ADGRF5: variants seen among roughly 807,000 people sequenced by gnomAD.
The protein encoded by ADGRF5 is adhesion G protein-coupled receptor F5.
Under a neutral mutation model 132.3 loss-of-function variants are expected in ADGRF5, and 75 were observed. The ratio of observed to expected loss-of-function variants is 0.57; its 90% confidence interval spans 0.47 to 0.69. ADGRF5 has a LOEUF of 0.69. Among genes scored for constraint, ADGRF5 ranks in the 30% least tolerant of loss-of-function variants. The probability of loss-of-function intolerance (pLI) is 0.00; values close to 1 mark genes in which losing one functional copy is unlikely to be tolerated. For synonymous variants in ADGRF5, 629 were observed against 597.6 expected, an observed-to-expected ratio of 1.05 and a Z score of -0.77; for missense variants, 1,516 against 1,630.6, an observed-to-expected ratio of 0.93 and a Z score of 1.21.
chr6:46,901,160 C>CT (rs1774725457), intron 2 of ADGRF5, among the ~76,000 whole-genome samples: 1 of 152,174 alleles, frequency 6.6e-6, no homozygotes, highest in Non-Finnish European at 1.5e-5. Context: ...CATCCTGTAG[C>CT]TTTTTTGTTA....
At chr6:46,943,491 T>A (rs896645565) in intron 1 of ADGRF5, among the ~76,000 whole-genome samples, 3 of 152,198 alleles carry the variant, frequency 2.0e-5, no homozygotes, top group African/African-American at 7.2e-5. Flanking sequence ...TTGTTGGTGA[T>A]GATGATGATA....
At chr6:46,864,397 A>T (rs1487717081) in intron 14 of ADGRF5, among the ~76,000 whole-genome samples, 4 of 152,158 alleles carry the variant, frequency 2.6e-5, no homozygotes, top group African/African-American at 9.7e-5. Context: ...GACACCTTTC[A>T]TTTGCTGAAA....
chr6:46,865,468 C>T (rs938258363), intron 13 of ADGRF5, among the ~76,000 whole-genome samples: 2 of 152,186 alleles, frequency 1.3e-5, no homozygotes, highest in Admixed American at 6.5e-5. Flanking sequence ...AATCCTTCTC[C>T]CTATCTAAAT....
intron 3 of ADGRF5, among the ~76,000 whole-genome samples, chr6:46,890,786 A>G (rs1007115540): frequency 1.3e-5 from 2 of 152,234 alleles, no homozygotes; most frequent in African/African-American, 4.8e-5. Context: ...TTTACATTCT[A>G]TCTGAAAAGA....
chr6:46,914,452 AT>A (rs112699043), intron 1 of ADGRF5, among the ~76,000 whole-genome samples: 63 of 152,076 alleles, frequency 4.1e-4, no homozygotes, highest in Middle Eastern at 3.4e-3. Context: ...CCTTGAAGAC[AT>A]TTTTTTTCCT....
At chr6:46,903,701 T>G (rs1451415541) in intron 2 of ADGRF5, 1 of 152,310 alleles carries the variant, frequency 6.6e-6, no homozygotes, top group Non-Finnish European at 1.5e-5. Flanking sequence ...TCGAAAACTG[T>G]CTGAGCAAGA....
chr6:46,864,529 T>A (rs1254274244), intron 14 of ADGRF5, among the ~76,000 whole-genome samples: 1 of 84,782 alleles, frequency 1.2e-5, no homozygotes, highest in Non-Finnish European at 2.3e-5. Context: ...TGTAATAATT[T>A]TTTTTTTTTT....
upstream of ADGRF5, chr6:46,922,074 G>A (rs1353885647): frequency 6.6e-6 from 1 of 152,252 alleles, no homozygotes; most frequent in Non-Finnish European, 1.5e-5. Context: ...TCTCCACCAA[G>A]TGGACAGACT....
chr6:46,856,753 A>G lies in ADGRF5; in HGVS notation c.3841T>C (p.Phe1281Leu). 6.3e-7 allele frequency: 1 copy of G among 1,580,164 alleles called. No individual in the cohort carries two copies. Among genetic ancestry groups the G allele is most frequent in the Non-Finnish European group, 8.7e-7 (1 of 1,150,766 alleles). The change falls in exon 19 of 21, where the codon TTT becomes CTT. Residue 1281 changes from phenylalanine to leucine, a missense_variant. Around this residue, in one of 2 missense-constraint regions of ADGRF5, gnomAD observed 571 missense variants for 701.2 expected, o/e 0.81. Coordinates refer to ENST00000283296, the MANE Select transcript of ADGRF5 (RefSeq NM_001098518.2). ...TGTGAAGACCATCTCGACAATGAAA[A>G]CTTATTCAGCAAAGCTTCCTGTACC... ...LKVQEALLNK[F>L]SLSRWSSQHS...
intron 2 of ADGRF5, among the ~76,000 whole-genome samples, chr6:46,902,529 C>T (rs1774880741): frequency 6.6e-6 from 1 of 152,170 alleles, no homozygotes; most frequent in African/African-American, 2.4e-5. Flanking sequence ...ATTGGTCTCC[C>T]CTGCCCCCAG....
intron 1 of ADGRF5, among the ~76,000 whole-genome samples, chr6:46,941,186 C>T (rs1778031926): frequency 6.6e-6 from 1 of 151,858 alleles, no homozygotes; most frequent in Non-Finnish European, 1.5e-5. Flanking sequence ...AATAAAAAGC[C>T]AGGCATAGTG....
chr6:46,951,566 T>C (rs1372960594), intron 1 of ADGRF5, among the ~76,000 whole-genome samples: 1 of 152,220 alleles, frequency 6.6e-6, no homozygotes, highest in Non-Finnish European at 1.5e-5. Flanking sequence ...AAGGGAATCC[T>C]TTTAGCTGTG....
At chr6:46,922,148 A>AC (rs1304906717), upstream of ADGRF5, among the ~76,000 whole-genome samples, 1 of 152,186 alleles carries the variant, frequency 6.6e-6, no homozygotes, top group East Asian at 1.9e-4. Flanking sequence ...GAAAAGCAAA[A>AC]CCAGAGCAAA....
At position 46,878,224 on chromosome 6, in the gene ADGRF5, C is replaced by T. The variant is rs138779256; in HGVS notation, c.1218G>A (p.Gln406=). ...CACCTGGAATATTTATTTTTCCTTC[C>T]TGCTTCCATTCTACTTTGCTCCAAT... ...NVNWSKVEWK[Q]EGKINIPGTP... is the part of the protein sequence containing the mutation. Residue 406 remains glutamine, a synonymous_variant, in exon 10 of 21, where the codon CAG becomes CAA. Coordinates refer to ENST00000283296, the MANE Select transcript of ADGRF5 (RefSeq NM_001098518.2). 5.0e-6 allele frequency: 8 copies of T among 1,612,252 alleles called. No homozygotes were observed. In the African/African-American group the frequency reaches 1.1e-4, roughly 22 times the overall value.
At chr6:46,934,416 T>A (rs1333527883) in intron 1 of ADGRF5, among the ~76,000 whole-genome samples, 1 of 152,194 alleles carries the variant, frequency 6.6e-6, no homozygotes, top group African/African-American at 2.4e-5. Flanking sequence ...TTAAAGCAAT[T>A]GACTGAAAAA....
At chr6:46,938,426 T>C (rs1777929306) in intron 1 of ADGRF5, among the ~76,000 whole-genome samples, 1 of 152,138 alleles carries the variant, frequency 6.6e-6, no homozygotes. Flanking sequence ...TGGAAGCCAA[T>C]GAGAATGAGA....
At chr6:46,869,268 T>C in intron 11 of ADGRF5, 176 bp from the exon 12 acceptor site, 2 of 1,443,260 alleles carry the variant, frequency 1.4e-6, no homozygotes, top group Admixed American at 5.4e-5. Context: ...TGGGCTTTAC[T>C]CGTTTCTAGG....
chr6:46,877,133 T>A (rs1467960303), intron 10 of ADGRF5, among the ~76,000 whole-genome samples: 4 of 152,264 alleles, frequency 2.6e-5, no homozygotes, highest in African/African-American at 9.6e-5. Flanking sequence ...CTCATTCCAG[T>A]GCTGGCCCAC....
intron 1 of ADGRF5, among the ~76,000 whole-genome samples, chr6:46,919,082 G>T (rs193134693): frequency 6.6e-6 from 1 of 152,190 alleles, no homozygotes. Flanking sequence ...TGGACAGCAG[G>T]TGATAGAACT....
Sources: allele counts gnomAD v4.1 joint callset (sites outside exome capture counted in the v4.1 genomes callset), GRCh38; gene constraint gnomAD v4.1.1; regional missense constraint gnomAD v4.1.1; transcripts MANE v1.5; gene names NCBI Gene and HGNC (gene_info 2026-07-23, HGNC 2026-07-21).